The following SH3PXD2B variants were observed in gnomAD, a reference collection of about 807,000 sequenced individuals.
SH3PXD2B encodes the protein SH3 and PX domains 2B.
A neutral mutation model predicts 73.1 loss-of-function variants in SH3PXD2B; 37 were observed. That is an observed-to-expected ratio of 0.51 (90% CI 0.39 to 0.67). SH3PXD2B has a LOEUF of 0.67. SH3PXD2B is among the 30% of genes least tolerant of loss of function. The probability of loss-of-function intolerance (pLI) is 0.00; values close to 1 mark genes in which losing one functional copy is unlikely to be tolerated. For synonymous variants in SH3PXD2B, 457 were observed against 480.5 expected (o/e 0.95, Z 0.64); for missense variants, 1,053 against 1,197.8 (o/e 0.88, Z 1.78).
At chr5:172,388,433 A>G (rs563909731) in intron 4 of SH3PXD2B, among the ~76,000 whole-genome samples, 14 of 152,300 alleles carry the variant, frequency 9.2e-5, no homozygotes, top group African/African-American at 3.4e-4. Flanking sequence ...AGCCCAGGAA[A>G]TCTGGCCAAA....
intron 2 of SH3PXD2B, among the ~76,000 whole-genome samples, chr5:172,413,073 A>T (rs1758737894): frequency 6.6e-6 from 1 of 152,230 alleles, no homozygotes; most frequent in Non-Finnish European, 1.5e-5. Context: ...AGCAGCAGCC[A>T]TTGAGGCTGG....
At chr5:172,433,374 G>A (rs983831189) in intron 1 of SH3PXD2B, among the ~76,000 whole-genome samples, 6 of 152,120 alleles carry the variant, frequency 3.9e-5, no homozygotes, top group African/African-American at 1.2e-4. Context: ...TCAGTGGTTC[G>A]CTTTGGGGTG....
At chr5:172,396,198 C>T (rs377547238) in intron 3 of SH3PXD2B, among the ~76,000 whole-genome samples, 1 of 78,408 alleles carries the variant, frequency 1.3e-5, no homozygotes, top group African/African-American at 5.4e-5. Flanking sequence ...ACTAAAAATA[C>T]AAAAAAAAAA....
chr5:172,334,741 G>C lies in SH3PXD2B; in HGVS notation c.*3628C>G. ...TTTCCCACTCTGTGCTGGGTACTTG[G>C]GAGAGGCGAAATAAATACCAGACTG... is the stretch of plus-strand genomic sequence containing the variant. On this transcript the variant is annotated 3_prime_UTR_variant, in exon 13 of 13. Coordinates refer to ENST00000311601, the MANE Select transcript of SH3PXD2B (RefSeq NM_001017995.3). The C allele has an allele frequency of 2.0e-6, 2 of 985,444 alleles. No individual in the cohort carries two copies. Among genetic ancestry groups the C allele is most frequent in the Non-Finnish European group, 2.4e-6 (2 of 829,944 alleles). The allele number at this position is 985,444 out of a possible 1,614,324, so 61.0% of individuals were successfully genotyped here. A position where few individuals can be genotyped will look rare whatever the true frequency, so the allele number is the denominator to read the frequency against.
chr5:172,394,918 G>A (rs1758262046), intron 3 of SH3PXD2B, among the ~76,000 whole-genome samples: 2 of 152,168 alleles, frequency 1.3e-5, no homozygotes, highest in Admixed American at 6.5e-5. Flanking sequence ...AACTGTGGAA[G>A]GAAGCCGCTC....
chr5:172,346,061 T>C, intron 12 of SH3PXD2B, 75 bp downstream of exon 12: 2 of 1,608,368 alleles, frequency 1.2e-6, no homozygotes, highest in Non-Finnish European at 1.7e-6. Flanking sequence ...AAGTAGGAGG[T>C]GACAGGGGAG....
At chr5:172,341,746 G>A (rs1581260837) in intron 12 of SH3PXD2B, among the ~76,000 whole-genome samples, 1 of 152,168 alleles carries the variant, frequency 6.6e-6, no homozygotes, top group Admixed American at 6.5e-5. Flanking sequence ...CGCCGCCTGG[G>A]TTCACGCCAT....
intron 4 of SH3PXD2B, among the ~76,000 whole-genome samples, chr5:172,387,801 T>A (rs1758091414): frequency 6.6e-6 from 1 of 152,236 alleles, no homozygotes; most frequent in Non-Finnish European, 1.5e-5. Flanking sequence ...AAATTTAATG[T>A]ATTCAAATAA....
At chr5:172,361,221 G>A (rs1033657675) in intron 7 of SH3PXD2B, among the ~76,000 whole-genome samples, 2 of 152,116 alleles carry the variant, frequency 1.3e-5, no homozygotes, top group African/African-American at 4.8e-5. Flanking sequence ...ATACACACAT[G>A]TGTATATAAC....
chr5:172,436,287 CCA>C (rs2113493230), intron 1 of SH3PXD2B, among the ~76,000 whole-genome samples: 1 of 152,258 alleles, frequency 6.6e-6, no homozygotes, highest in South Asian at 2.1e-4. Flanking sequence ...GCCATCCACC[CCA>C]GTTTCCATAG....
Position 172,353,813 on chromosome 5 carries a change from G to T in SH3PXD2B, c.785+75C>A. 1 of 1,137,844 alleles carries T rather than the reference G, an allele frequency of 8.8e-7. No homozygotes were observed. Among genetic ancestry groups the T allele is most frequent in the Non-Finnish European group, 1.3e-6 (1 of 746,990 alleles). The allele number at this position is 1,137,844 out of a possible 1,614,324, so 70.5% of individuals were successfully genotyped here. A position where few individuals can be genotyped will look rare whatever the true frequency, so the allele number is the denominator to read the frequency against. The stretch of plus-strand genomic sequence containing the variant: ...TCACTTACCGACCTCTGTGAGGCCA[G>T]AGTCCCTGTGACCCCAAACCCACCC... On this transcript the variant is annotated intron_variant, in intron 9 of 12. Transcript: ENST00000311601. This position sits in a 1 kb window ranked among gnomAD's most constrained non-coding sequence, Gnocchi z 4.3.
intron 1 of SH3PXD2B, among the ~76,000 whole-genome samples, chr5:172,423,197 A>G (rs1348751243): frequency 2.0e-5 from 3 of 152,214 alleles, no homozygotes; most frequent in African/African-American, 4.8e-5. Context: ...TAGAGGTCAG[A>G]GGTGCCTGGC....
At chr5:172,449,290 C>T (rs1052625378) in intron 1 of SH3PXD2B, among the ~76,000 whole-genome samples, 8 of 152,172 alleles carry the variant, frequency 5.3e-5, no homozygotes, top group South Asian at 2.1e-4. Context: ...AAGGGGAAAC[C>T]GGGGTCCAGA....
intron 1 of SH3PXD2B, among the ~76,000 whole-genome samples, chr5:172,432,235 C>G (rs1324764644): frequency 6.6e-6 from 1 of 152,148 alleles, no homozygotes; most frequent in Non-Finnish European, 1.5e-5. Context: ...ACGCTGAACT[C>G]AGAGTCAACA....
At chr5:172,446,358 C>G (rs1759659973) in intron 1 of SH3PXD2B, among the ~76,000 whole-genome samples, 1 of 152,212 alleles carries the variant, frequency 6.6e-6, no homozygotes, top group Non-Finnish European at 1.5e-5. Context: ...GTGCTCACAA[C>G]TCCCTGGTTG....
downstream of SH3PXD2B, among the ~76,000 whole-genome samples, chr5:172,329,083 A>ATATT (rs58472514): frequency 4.0e-3 from 250 of 61,770 alleles, 2 homozygotes; most frequent in Non-Finnish European, 4.7e-3. Context: ...ATATATATAT[A>ATATT]TTTTTTTTTT....
intron 2 of SH3PXD2B, 51 bp from the exon 3 acceptor site, chr5:172,406,403 C>T (rs1378743056): frequency 3.8e-6 from 6 of 1,564,130 alleles, no homozygotes; most frequent in Non-Finnish European, 5.3e-6. Flanking sequence ...ATGCACTAAA[C>T]ATCATCTAGG....
intron 8 of SH3PXD2B, among the ~76,000 whole-genome samples, chr5:172,355,951 G>T (rs921954672): frequency 6.6e-5 from 10 of 152,106 alleles, no homozygotes; most frequent in Non-Finnish European, 8.8e-5. Flanking sequence ...GGCCTGCGGG[G>T]GCTTCCTCCC....
chr5:172,354,905 T>A, intron 8 of SH3PXD2B, among the ~76,000 whole-genome samples: 1 of 152,110 alleles, frequency 6.6e-6, no homozygotes, highest in Non-Finnish European at 1.5e-5. Flanking sequence ...GCTGCGTCCC[T>A]CCCACAGTAG....
Sources: allele counts gnomAD v4.1 joint callset (sites outside exome capture counted in the v4.1 genomes callset), GRCh38; gene constraint gnomAD v4.1.1; non-coding constraint Gnocchi (gnomAD v3.1); transcripts MANE v1.5; gene names NCBI Gene and HGNC (gene_info 2026-07-23, HGNC 2026-07-21).